Variants in TMEM164 observed in about 807,000 individuals in gnomAD.
TMEM164 encodes RP13-360B22.2.
Under a neutral mutation model 18.8 loss-of-function variants are expected in TMEM164, and 4 were observed. The ratio of observed to expected loss-of-function variants is 0.21; its 90% confidence interval spans 0.10 to 0.49. The LOEUF (loss-of-function observed/expected upper bound fraction) is 0.49, where lower values mean the gene tolerates loss of function less well. Among genes scored for constraint, TMEM164 ranks in the 20% least tolerant of loss-of-function variants. The pLI, the probability that TMEM164 is intolerant of heterozygous loss-of-function variation, is 0.98. For missense variants in TMEM164, 108 were observed against 239.9 expected (o/e 0.45, Z 3.63); for synonymous variants, 86 against 101.7 (o/e 0.85, Z 0.93).
intron 2 of TMEM164, among the ~76,000 whole-genome samples, chrX:110,010,366 T>C (rs186842251): frequency 8.8e-6 from 1 of 113,276 alleles, no homozygotes; most frequent in East Asian, 2.8e-4. Flanking sequence ...TCATATATTT[T>C]GTTAAATTGA....
intron 3 of TMEM164, among the ~76,000 whole-genome samples, chrX:110,076,260 C>G (rs1251938094): frequency 1.8e-5 from 2 of 110,849 alleles, no homozygotes; most frequent in Non-Finnish European, 3.8e-5. Context: ...AATTTGTGGG[C>G]ATAGAAGTGT....
At chrX:110,084,408 A>T (rs2065813600) in intron 3 of TMEM164, among the ~76,000 whole-genome samples, 1 of 66,217 alleles carries the variant, frequency 1.5e-5, no homozygotes. Flanking sequence ...GTATATATAT[A>T]TAGTGTATAT....
intron 2 of TMEM164, among the ~76,000 whole-genome samples, chrX:110,058,609 C>CTCT (rs374443715): frequency 2.5e-5 from 2 of 81,225 alleles, no homozygotes; most frequent in East Asian, 8.6e-4. Flanking sequence ...CCCTTTCTTT[C>CTCT]TTTTTTTTTT....
At chrX:110,073,842 G>A (rs1281769420) in intron 3 of TMEM164, among the ~76,000 whole-genome samples, 2 of 110,714 alleles carry the variant, frequency 1.8e-5, no homozygotes, top group African/African-American at 6.6e-5. Flanking sequence ...TTTAATAATA[G>A]CCGTTCTGAT....
chrX:110,067,768 T>G (rs972227264), intron 3 of TMEM164, among the ~76,000 whole-genome samples: 6 of 112,581 alleles, frequency 5.3e-5, no homozygotes, highest in African/African-American at 1.6e-4. Flanking sequence ...CATATGGTTC[T>G]TCACATTGAA....
intron 2 of TMEM164, among the ~76,000 whole-genome samples, chrX:110,008,780 C>T (rs1164073595): frequency 9.0e-6 from 1 of 111,347 alleles, no homozygotes; most frequent in Non-Finnish European, 1.9e-5. Flanking sequence ...CTCTGTGAAA[C>T]GGGCCACATG....
downstream of TMEM164, among the ~76,000 whole-genome samples, chrX:110,183,563 G>A (rs2067331016): frequency 8.9e-6 from 1 of 111,802 alleles, no homozygotes; most frequent in African/African-American, 3.3e-5. Flanking sequence ...GTACCTGGCA[G>A]CACATTTGTT....
In TMEM164 at chrX:110,003,615, G is replaced by C; in HGVS notation, c.-160G>C. 8.5e-6 allele frequency: 5 copies of C among 589,141 alleles called. No homozygotes were observed. The highest frequency in any genetic ancestry group is 1.3e-5 in the Non-Finnish European group (5 of 383,845). The allele number at this position is 589,141 out of a possible 1,213,427, so 48.6% of individuals were successfully genotyped here. On this transcript the variant is annotated 5_prime_UTR_variant, in exon 2 of 7. Coordinates refer to ENST00000372068, the MANE Select transcript of TMEM164 (RefSeq NM_032227.4). ...GAGCCAGCACTTTACCCCGGGCCTTGCGTGTAGCTTCCCCTCCCCTACTCT... is the reference window on the plus strand; with the variant it reads ...GAGCCAGCACTTTACCCCGGGCCTTCCGTGTAGCTTCCCCTCCCCTACTCT...
intron 2 of TMEM164, among the ~76,000 whole-genome samples, chrX:110,009,587 A>G (rs1047332002): frequency 3.6e-5 from 4 of 112,073 alleles, no homozygotes; most frequent in East Asian, 2.8e-4. Context: ...ATAATACTGT[A>G]TATGCACATT....
chrX:110,096,414 C>T (rs993583172), intron 3 of TMEM164, among the ~76,000 whole-genome samples: 10 of 112,795 alleles, frequency 8.9e-5, no homozygotes, highest in Non-Finnish European at 1.7e-4. Context: ...GCCTTGCTGC[C>T]GCCTTGCAGT....
chrX:110,097,049 G>T (rs1048720197), intron 3 of TMEM164, among the ~76,000 whole-genome samples: 2 of 112,057 alleles, frequency 1.8e-5, no homozygotes, highest in Non-Finnish European at 3.8e-5. Context: ...TTGTGCCCAG[G>T]CTGGAGAGCA....
chrX:110,167,168 A>G (rs1480814171), intron 5 of TMEM164, among the ~76,000 whole-genome samples: 2 of 111,892 alleles, frequency 1.8e-5, no homozygotes, highest in Non-Finnish European at 3.8e-5. Context: ...AGCAGCAGCC[A>G]TCTGCATGCC....
At chrX:110,072,677 T>A (rs1290866904) in intron 3 of TMEM164, among the ~76,000 whole-genome samples, 1 of 111,768 alleles carries the variant, frequency 8.9e-6, no homozygotes, top group Non-Finnish European at 1.9e-5. Context: ...GGTTGCTACA[T>A]AGAACCATGT....
At chrX:110,180,495 C>CCG (rs1556027356), downstream of TMEM164, among the ~76,000 whole-genome samples, 6 of 108,832 alleles carry the variant, frequency 5.5e-5, no homozygotes, top group African/African-American at 2.1e-4. Context: ...ACCCCCCCGC[C>CCG]CCGCCCACAG....
At chrX:110,098,798 C>T (rs1330571032) in intron 3 of TMEM164, among the ~76,000 whole-genome samples, 25 of 102,944 alleles carry the variant, frequency 2.4e-4, no homozygotes, top group Admixed American at 5.2e-4. Flanking sequence ...CTTTTTTTTT[C>T]TTCTTTTTTT....
At chrX:110,091,234 G>A (rs2065923835) in intron 3 of TMEM164, among the ~76,000 whole-genome samples, 1 of 112,542 alleles carries the variant, frequency 8.9e-6, no homozygotes, top group Admixed American at 9.4e-5. Context: ...GTAATGGGAT[G>A]ACTGGCTCAA....
intron 2 of TMEM164, among the ~76,000 whole-genome samples, chrX:110,014,733 T>C (rs1289622043): frequency 1.0e-5 from 1 of 97,105 alleles, no homozygotes; most frequent in East Asian, 3.5e-4. Flanking sequence ...GGTTTTTTTT[T>C]TTGGTTGTTT....
intron 5 of TMEM164, among the ~76,000 whole-genome samples, chrX:110,155,126 C>T (rs748242589): frequency 2.7e-5 from 3 of 111,591 alleles, no homozygotes; most frequent in South Asian, 3.8e-4. Flanking sequence ...GTTCTAAAGC[C>T]GCAGAACCTT....
chrX:110,056,186 C>T (rs115120657), intron 2 of TMEM164, among the ~76,000 whole-genome samples: 4,533 of 108,932 alleles, frequency 0.042, 212 homozygotes, highest in African/African-American at 0.14. Context: ...CCCTACCTTT[C>T]CCCCACTCAC....
Sources: gnomAD v4.1 joint callset for allele counts (sites outside exome capture counted in the v4.1 genomes callset) on GRCh38, gnomAD v4.1.1 for gene constraint, MANE v1.5 for transcripts, NCBI Gene and HGNC (gene_info 2026-07-23, HGNC 2026-07-21) for gene names.